The following GRIN2B variants were observed in gnomAD, a reference collection of about 807,000 sequenced individuals.
GRIN2B encodes glutamate ionotropic receptor NMDA type subunit 2B.
Under a neutral mutation model 114.5 loss-of-function variants are expected in GRIN2B, and 5 were observed. The observed-to-expected ratio is 0.04, with a 90% confidence interval of 0.02 to 0.09. The LOEUF (loss-of-function observed/expected upper bound fraction) is 0.09. GRIN2B is among the 10% of genes least tolerant of loss of function. The pLI is 1.00. For synonymous variants in GRIN2B, 787 were observed against 745.1 expected (o/e 1.06, Z -0.92); for missense variants, 1,108 against 1,943.5 (o/e 0.57, Z 8.08).
intron 12 of GRIN2B, among the ~76,000 whole-genome samples, chr12:13,568,016 T>C (rs1234037657): frequency 6.6e-6 from 1 of 151,912 alleles, no homozygotes; most frequent in African/African-American, 2.4e-5. Flanking sequence ...GAGAGATTGA[T>C]TGATTCCCTA....
chr12:13,871,075 G>T (rs1477265112), intron 2 of GRIN2B, among the ~76,000 whole-genome samples: 1 of 151,980 alleles, frequency 6.6e-6, no homozygotes, highest in East Asian at 1.9e-4. Flanking sequence ...CATGTATAAG[G>T]CAACAACTAA....
At chr12:13,577,868 C>T (rs1221426998) in intron 10 of GRIN2B, among the ~76,000 whole-genome samples, 2 of 152,180 alleles carry the variant, frequency 1.3e-5, no homozygotes, top group African/African-American at 4.8e-5. Flanking sequence ...CATAAACATT[C>T]ATTCAGTTTT....
At chr12:13,881,746 C>T (rs192816616) in intron 2 of GRIN2B, among the ~76,000 whole-genome samples, 1 of 152,136 alleles carries the variant, frequency 6.6e-6, no homozygotes, top group African/African-American at 2.4e-5. Flanking sequence ...CTGGCTTCTC[C>T]TCTCATTCTA....
chr12:13,781,293 G>C (rs1864108306), intron 3 of GRIN2B, among the ~76,000 whole-genome samples: 1 of 152,138 alleles, frequency 6.6e-6, no homozygotes, highest in East Asian at 1.9e-4. Context: ...TATTCGTCTG[G>C]GTTAAATGTG....
chr12:13,629,454 A>G, intron 5 of GRIN2B, among the ~76,000 whole-genome samples: 1 of 152,046 alleles, frequency 6.6e-6, no homozygotes, highest in East Asian at 1.9e-4. Flanking sequence ...ACCTCCATTC[A>G]TGCTCCACTT....
At chr12:13,890,754 G>C (rs1377042716) in intron 2 of GRIN2B, among the ~76,000 whole-genome samples, 2 of 152,042 alleles carry the variant, frequency 1.3e-5, no homozygotes, top group Non-Finnish European at 2.9e-5. Context: ...AACATGGAAG[G>C]GCCCATGAAA....
intron 3 of GRIN2B, among the ~76,000 whole-genome samples, chr12:13,757,443 A>G (rs1226177025): frequency 1.3e-5 from 2 of 152,136 alleles, no homozygotes; most frequent in East Asian, 3.8e-4. Context: ...TGGTGGCCAC[A>G]CATCCATCTT....
rs551684368 is a variant in GRIN2B, at chr12:13,690,728, G to A, written c.1011-14869C>T. 5.9e-5 allele frequency among the ~76,000 whole-genome samples: 9 copies of A among 152,186 alleles called. No individual in the cohort carries two copies. In the East Asian group the frequency reaches 1.7e-3, roughly 29 times the overall value. On this transcript the variant is annotated intron_variant, in intron 4 of 13. Coordinates refer to ENST00000609686, the MANE Select transcript of GRIN2B (RefSeq NM_000834.5). ...AATGATCGGTAGAGAAATCAAAAGC[G>A]ATTTCTCTTTGTTTCTGAAATATTT...
rs1865179124 is a variant in GRIN2B, at chr12:13,832,943, T to C, written c.411+32855A>G. Among the ~76,000 whole-genome samples the C allele has an allele frequency of 2.6e-5, 4 of 152,170 alleles. No individual in the cohort carries two copies. In the South Asian group the frequency reaches 6.2e-4, roughly 24 times the overall value. On this transcript the variant is annotated intron_variant, in intron 3 of 13. Transcript: ENST00000609686. ...TATTTCCCTGCACTCACATCAACAC[T>C]ATATATTTTAATTAAAAAAAATCGT... is the stretch of plus-strand genomic sequence containing the variant.
chr12:13,623,870 GTTC>G (rs1022761212), intron 5 of GRIN2B, among the ~76,000 whole-genome samples: 3 of 152,168 alleles, frequency 2.0e-5, no homozygotes, highest in African/African-American at 7.2e-5. Flanking sequence ...TTCCCAAAGT[GTTC>G]TTCTTTGGTA....
intron 4 of GRIN2B, among the ~76,000 whole-genome samples, chr12:13,714,115 G>T (rs77150257): frequency 0.029 from 4,454 of 151,822 alleles, 170 homozygotes; most frequent in African/African-American, 0.086. Context: ...CAGGAAGTGG[G>T]AGGGCATAAG....
At chr12:13,784,974 A>G (rs1257725540) in intron 3 of GRIN2B, among the ~76,000 whole-genome samples, 5 of 152,378 alleles carry the variant, frequency 3.3e-5, no homozygotes, top group East Asian at 1.9e-4. Flanking sequence ...TAAGTTTTGT[A>G]TATTTCATTA....
At chr12:13,718,363 A>C (rs1222784490) in intron 4 of GRIN2B, among the ~76,000 whole-genome samples, 1 of 152,026 alleles carries the variant, frequency 6.6e-6, no homozygotes, top group African/African-American at 2.4e-5. Flanking sequence ...AGGAGTATTT[A>C]AGGAGAGATT....
intron 4 of GRIN2B, among the ~76,000 whole-genome samples, chr12:13,699,778 G>A (rs1950293718): frequency 6.6e-6 from 1 of 151,686 alleles, no homozygotes; most frequent in African/African-American, 2.4e-5. Flanking sequence ...TAGTAGAGAT[G>A]GGGTTTCACC....
chr12:13,780,321 C>T (rs1408056229), intron 3 of GRIN2B, among the ~76,000 whole-genome samples: 1 of 152,012 alleles, frequency 6.6e-6, no homozygotes, highest in Admixed American at 6.6e-5. Context: ...ACATAAGCAA[C>T]TTCAAGCTCT....
At chr12:13,570,906 C>G (rs1948699086) in intron 11 of GRIN2B, among the ~76,000 whole-genome samples, 1 of 152,148 alleles carries the variant, frequency 6.6e-6, no homozygotes, top group African/African-American at 2.4e-5. Context: ...AAGGGGAACA[C>G]CAAAAAACCA....
At chr12:13,914,674 T>C (rs1866681859) in intron 2 of GRIN2B, among the ~76,000 whole-genome samples, 1 of 152,206 alleles carries the variant, frequency 6.6e-6, no homozygotes, top group Non-Finnish European at 1.5e-5. Context: ...TCAACCTAAA[T>C]GCCCTTCAAT....
At chr12:13,631,986 GGGT>G (rs1949619010) in intron 5 of GRIN2B, among the ~76,000 whole-genome samples, 1 of 152,164 alleles carries the variant, frequency 6.6e-6, no homozygotes, top group Admixed American at 6.5e-5. Flanking sequence ...CTCAGGCCTT[GGGT>G]TCATGGCCAG....
intron 2 of GRIN2B, among the ~76,000 whole-genome samples, chr12:13,890,485 C>T (rs567409862): frequency 4.6e-4 from 70 of 152,276 alleles, no homozygotes; most frequent in African/African-American, 1.5e-3. Context: ...CTACCCCATG[C>T]GCCCAGTGGC....
Sources: gnomAD v4.1 joint callset for allele counts (sites outside exome capture counted in the v4.1 genomes callset) on GRCh38, gnomAD v4.1.1 for gene constraint, MANE v1.5 for transcripts, NCBI Gene and HGNC (gene_info 2026-07-23, HGNC 2026-07-21) for gene names.